The following BMP7 variants were observed in gnomAD, a reference collection of about 807,000 sequenced individuals.
The protein encoded by BMP7 is osteogenic protein 1.
Under a neutral mutation model 41.2 loss-of-function variants are expected in BMP7, and 12 were observed. The observed-to-expected ratio is 0.29, with a 90% confidence interval of 0.19 to 0.47. The LOEUF (loss-of-function observed/expected upper bound fraction) is 0.47. Ranked by LOEUF, BMP7 falls within the 20% of genes least tolerant of loss-of-function variation. BMP7 has a pLI of 0.99. For synonymous variants in BMP7, 248 were observed against 250.0 expected (o/e 0.99, Z 0.07); for missense variants, 467 against 606.0 (o/e 0.77, Z 2.41).
chr20:57,223,060 T>C (rs763768353), intron 2 of BMP7, among the ~76,000 whole-genome samples: 1 of 151,712 alleles, frequency 6.6e-6, no homozygotes, highest in Admixed American at 6.6e-5. Flanking sequence ...TGAAACCCCA[T>C]CTCTACTAAA....
chr20:57,190,243 C>T (rs532939910), intron 3 of BMP7, among the ~76,000 whole-genome samples: 70 of 141,564 alleles, frequency 4.9e-4, no homozygotes, highest in South Asian at 2.5e-3. Flanking sequence ...AGAGAGTGAC[C>T]GAGGAACCAG....
intron 5 of BMP7, chr20:57,173,513 C>T: frequency 1.5e-6 from 1 of 652,050 alleles, no homozygotes; most frequent in Admixed American, 2.3e-5. Context: ...GAAAGAAGGA[C>T]CACTCTATAG....
At chr20:57,209,115 T>A (rs556635351) in intron 2 of BMP7, among the ~76,000 whole-genome samples, 36 of 151,254 alleles carry the variant, frequency 2.4e-4, no homozygotes, top group African/African-American at 8.7e-4. Flanking sequence ...AGGTCGGGAG[T>A]TCGAGACCAG....
chr20:57,204,254 G>A (rs967733258), intron 2 of BMP7, among the ~76,000 whole-genome samples: 1 of 152,144 alleles, frequency 6.6e-6, no homozygotes, highest in African/African-American at 2.4e-5. Flanking sequence ...ACACATCTCC[G>A]GTTGGCTCCA....
intron 2 of BMP7, among the ~76,000 whole-genome samples, chr20:57,219,201 G>T (rs940182329): frequency 8.4e-5 from 12 of 142,980 alleles, no homozygotes; most frequent in Admixed American, 4.7e-4. Context: ...GTGGTAGCTG[G>T]TGTTTGTTCG....
In BMP7 at chr20:57,226,068, C is replaced by T. The variant is rs559349646; in HGVS notation, c.611+2161G>A. On this transcript the variant is annotated intron_variant, in intron 2 of 6. Transcript: ENST00000395863. ...AAGTTGCCTGTTGCCGGCAGCCTGG[C>T]AGGGAGGACGCCTGGAACGCCCATC... is the stretch of plus-strand genomic sequence containing the variant. 114 of 420,340 alleles carry T rather than the reference C, an allele frequency of 2.7e-4. 1 individual carries two copies. Among genetic ancestry groups the T allele is most frequent in the South Asian group, 1.9e-3 (109 of 58,366 alleles). The allele number at this position is 420,340 out of a possible 1,614,324, so 26.0% of individuals were successfully genotyped here.
At chr20:57,196,955 G>A (rs896668068) in intron 3 of BMP7, among the ~76,000 whole-genome samples, 1 of 151,598 alleles carries the variant, frequency 6.6e-6, no homozygotes, top group African/African-American at 2.4e-5. Context: ...AGGCTGGAGT[G>A]CGGTAGTATG....
chr20:57,204,990 C>G (rs1984698967), intron 2 of BMP7, among the ~76,000 whole-genome samples: 1 of 152,056 alleles, frequency 6.6e-6, no homozygotes, highest in African/African-American at 2.4e-5. Flanking sequence ...AAGTCTGGAC[C>G]CTTTCTGTTT....
At chr20:57,182,918 C>T (rs4811819) in intron 4 of BMP7, among the ~76,000 whole-genome samples, 147,698 of 152,366 alleles carry the variant, frequency 0.97, 71,751 homozygotes, top group South Asian at 1. Flanking sequence ...CTGAAAAGTA[C>T]CGCACATCAT....
chr20:57,237,428 T>C, intron 1 of BMP7, among the ~76,000 whole-genome samples: 1 of 152,236 alleles, frequency 6.6e-6, no homozygotes, highest in East Asian at 1.9e-4. Context: ...CAGAACTCAC[T>C]GGAGCTGACT....
At chr20:57,248,812 T>TG (rs201472405) in intron 1 of BMP7, among the ~76,000 whole-genome samples, 13 of 149,044 alleles carry the variant, frequency 8.7e-5, no homozygotes, top group African/African-American at 3.2e-4. Context: ...TGTTTTGTTT[T>TG]TTTTGAGACA....
rs764706768 is a variant in BMP7, at chr20:57,173,218, G to A, written c.1128C>T (p.His376=). 1.9e-5 allele frequency: 30 copies of A among 1,614,004 alleles called. No individual in the cohort carries two copies. The highest frequency in any genetic ancestry group is 5.0e-5 in the Admixed American group (3 of 60,004). The change falls in exon 6 of 7, where the codon CAC becomes CAT. Residue 376 remains histidine (H), a synonymous_variant. Transcript: ENST00000395863. ...PLNSYMNATN[H]AIVQTLVHFI... ...CACCCACCAGCGTCTGCACGATGGC[G>A]TGGTTGGTGGCGTTCATGTAGGAGT...
chr20:57,208,040 A>T (rs1239073898), intron 2 of BMP7, among the ~76,000 whole-genome samples: 1 of 151,966 alleles, frequency 6.6e-6, no homozygotes, highest in Non-Finnish European at 1.5e-5. Context: ...CTTGTTAGCC[A>T]GGATGGTCTC....
intron 1 of BMP7, among the ~76,000 whole-genome samples, chr20:57,234,695 C>T (rs1014180797): frequency 1.1e-4 from 16 of 152,188 alleles, no homozygotes; most frequent in African/African-American, 2.7e-4. Context: ...CCATGAAAAC[C>T]GCTTTCTTCA....
intron 5 of BMP7, chr20:57,173,511 G>C: frequency 1.5e-6 from 1 of 654,010 alleles, no homozygotes. Flanking sequence ...TGGAAAGAAG[G>C]ACCACTCTAT....
At chr20:57,216,214 G>A (rs551246331) in intron 2 of BMP7, among the ~76,000 whole-genome samples, 2 of 152,234 alleles carry the variant, frequency 1.3e-5, no homozygotes, top group East Asian at 1.9e-4. Context: ...AAGCTGTGCC[G>A]GTGCCAAAGC....
At chr20:57,231,947 A>G (rs1020364100) in intron 1 of BMP7, among the ~76,000 whole-genome samples, 1 of 152,234 alleles carries the variant, frequency 6.6e-6, no homozygotes, top group Non-Finnish European at 1.5e-5. Context: ...TGAGTCCTGC[A>G]CTGAGCAAGC....
rs771059650 is a variant in BMP7 at position 57,173,284 on chromosome 20, G to A, written c.1062C>T (p.Tyr354=). 1.0e-4 allele frequency: 168 copies of A among 1,614,160 alleles called. No individual in the cohort carries two copies. The South Asian group carries it at 1.2e-3, about 11-fold the overall frequency. Residue 354 remains tyrosine, a synonymous_variant, in exon 6 of 7, where the codon TAC becomes TAT. Transcript: ENST00000395863. ...ACTCCCCCTCACAGTAGTAGGCGGC[G>A]TAGCCTTCAGGCGCGATGATCCAGT... ...WQDWIIAPEG[Y]AAYYCEGECA...
chr20:57,193,206 G>A (rs1441274817), intron 3 of BMP7, among the ~76,000 whole-genome samples: 4 of 152,166 alleles, frequency 2.6e-5, no homozygotes, highest in South Asian at 2.1e-4. Flanking sequence ...AGCTTCAATC[G>A]GGATACAGAG....
Sources: allele counts gnomAD v4.1 joint callset (sites outside exome capture counted in the v4.1 genomes callset), GRCh38; gene constraint gnomAD v4.1.1; transcripts MANE v1.5; gene names NCBI Gene and HGNC (gene_info 2026-07-23, HGNC 2026-07-21).